FANCI: variants seen among roughly 807,000 people sequenced by gnomAD.
FANCI encodes the protein FA complementation group I.
In FANCI, 156 loss-of-function variants were observed where a neutral mutation model predicts 176.1. That is an observed-to-expected ratio of 0.89 (90% CI 0.78 to 1.01). The LOEUF is 1.01. Among genes scored for constraint, FANCI ranks in the 50% least tolerant of loss-of-function variants. The pLI is 0.00. For synonymous variants in FANCI, 613 were observed against 541.7 expected (o/e 1.13, Z -1.83); for missense variants, 1,678 against 1,534.1 (o/e 1.09, Z -1.57).
chr15:89,262,995 A>G (rs1409835388), intron 6 of FANCI, among the ~76,000 whole-genome samples: 1 of 152,198 alleles, frequency 6.6e-6, no homozygotes, highest in African/African-American at 2.4e-5. Context: ...TGGCCTCCCA[A>G]AGTGTTGGGA....
chr15:89,277,333 T>G (rs972408050), intron 13 of FANCI, among the ~76,000 whole-genome samples: 1 of 152,068 alleles, frequency 6.6e-6, no homozygotes, highest in Non-Finnish European at 1.5e-5. Context: ...GAATCATGCT[T>G]GGTCGGGCAT....
At chr15:89,295,503 T>C (rs2054224180) in intron 24 of FANCI, among the ~76,000 whole-genome samples, 1 of 151,910 alleles carries the variant, frequency 6.6e-6, no homozygotes, top group South Asian at 2.1e-4. Context: ...CTATCTCTAC[T>C]AAAAATACAA....
chr15:89,300,450 G>A (rs939973411), intron 26 of FANCI, 65 bp downstream of exon 26: 2 of 1,447,114 alleles, frequency 1.4e-6, no homozygotes, highest in African/African-American at 2.8e-5. Context: ...GTTAGCAGGG[G>A]CAGCTGGTAA....
rs182603170 is a variant in FANCI at position 89,261,598 on chromosome 15, C to A, written c.302C>A (p.Pro101Gln). 6.2e-7 allele frequency: 1 copy of A among 1,614,118 alleles called. No homozygotes were observed. Among genetic ancestry groups the A allele is most frequent in the African/African-American group, 1.3e-5 (1 of 75,026 alleles). The part of the protein sequence containing the change: ...GLLMLEAHHF[P>Q]GPLLVELANE... The stretch of plus-strand genomic sequence containing the variant: ...GTGAACTTTTAGGCTCACCATTTTC[C>A]AGGACCATTATTGGTTGAATTAGCC... Residue 101 changes from proline to glutamine, a missense_variant, in exon 5 of 38, where the codon CCA becomes CAA. Physicochemically the swap from Pro to Gln is moderately conservative, Grantham distance 76. Coordinates refer to ENST00000310775, the MANE Select transcript of FANCI (RefSeq NM_001113378.2).
intron 1 of FANCI, among the ~76,000 whole-genome samples, chr15:89,245,601 T>C (rs1283659313): frequency 2.0e-5 from 3 of 152,022 alleles, no homozygotes; most frequent in African/African-American, 7.2e-5. Flanking sequence ...GGAATATTTA[T>C]TTAAGTTCCA....
At position 89,315,240 on chromosome 15, in the gene FANCI, CTA is replaced by C. The variant is rs781234694; in HGVS notation, c.3817-40_3817-39del. The stretch of plus-strand genomic sequence containing the variant: ...ATGGCTTAAGCTGTTCTGGCAGGAC[CTA>C]TGAGTAGGGAGATGTCCCATGCTTA... On this transcript the variant is annotated intron_variant, in intron 36 of 37. Transcript: ENST00000310775. 3.5e-6 allele frequency: 5 copies of C among 1,447,412 alleles called. No homozygotes were observed. The East Asian group carries it at 6.8e-5, about 20-fold the overall frequency. 89.7% of individuals were successfully genotyped at this position (1,447,412 alleles called of 1,614,324 possible). A position where few individuals can be genotyped will look rare whatever the true frequency, so the allele number is the denominator to read the frequency against.
At chr15:89,286,909 T>G (rs1347601849) in intron 18 of FANCI, among the ~76,000 whole-genome samples, 3 of 151,962 alleles carry the variant, frequency 2.0e-5, no homozygotes, top group African/African-American at 7.2e-5. Context: ...CTCGATCAAT[T>G]ATGTTAGCTA....
chr15:89,283,946 T>C (rs1021596424), intron 17 of FANCI, among the ~76,000 whole-genome samples: 1 of 151,942 alleles, frequency 6.6e-6, no homozygotes, highest in Non-Finnish European at 1.5e-5. Flanking sequence ...GTATTTTTAG[T>C]AGAGATGGGG....
At chr15:89,286,288 T>C (rs572726510) in intron 18 of FANCI, among the ~76,000 whole-genome samples, 2 of 152,212 alleles carry the variant, frequency 1.3e-5, no homozygotes, top group African/African-American at 2.4e-5. Context: ...CCACCATGCC[T>C]GGCCTAACTT....
intron 22 of FANCI, among the ~76,000 whole-genome samples, chr15:89,293,606 T>G (rs1309557249): frequency 1.3e-5 from 2 of 152,160 alleles, no homozygotes. Flanking sequence ...GGGAATCACT[T>G]GAGCCTGGGA....
intron 7 of FANCI, 23 bp from the exon 8 acceptor site, chr15:89,263,880 C>A (rs761894722): frequency 6.2e-7 from 1 of 1,613,922 alleles, no homozygotes; most frequent in Non-Finnish European, 8.5e-7. Context: ...CTGTCTATAG[C>A]CTTTAGAATC....
intron 18 of FANCI, among the ~76,000 whole-genome samples, chr15:89,290,008 C>T (rs187053118): frequency 6.6e-6 from 1 of 152,250 alleles, no homozygotes; most frequent in East Asian, 1.9e-4. Flanking sequence ...GGATTTTACT[C>T]TGAGCAGTTC....
At chr15:89,253,406 T>C (rs1262241041) in intron 2 of FANCI, among the ~76,000 whole-genome samples, 1 of 152,136 alleles carries the variant, frequency 6.6e-6, no homozygotes, top group African/African-American at 2.4e-5. Flanking sequence ...CCCAGCACTT[T>C]GGGAGGCTGA....
chr15:89,293,009 T>G lies in FANCI; in HGVS notation c.2237T>G (p.Val746Gly), dbSNP rs762432513. The G allele has an allele frequency of 1.9e-6, 3 of 1,614,072 alleles. No individual in the cohort carries two copies. In the East Asian group the frequency reaches 6.7e-5, roughly 36 times the overall value. Residue 746 changes from valine to glycine, a missense_variant, in exon 22 of 38, where the codon GTG becomes GGG. Transcript: ENST00000310775. ...AAAAATAATATCTGTGCTTTTCTTG[T>G]GATGGGAGTTTGTGAGGTTTTAATA... ...GIKNNICAFL[V>G]MGVCEVLIEY...
In FANCI at chr15:89,278,786, T is replaced by C. The variant is rs1430415834; in HGVS notation, c.1381+12T>C. ...CAGTCATTTCTTAGGTATTCAACTT[T>C]GAAAGAATGAATAAAGTTTTTAGAA... On this transcript the variant is annotated intron_variant, in intron 14 of 37. Coordinates refer to ENST00000310775, the MANE Select transcript of FANCI (RefSeq NM_001113378.2). 4 of 1,594,754 alleles carry C rather than the reference T, an allele frequency of 2.5e-6. No homozygotes were observed. Among genetic ancestry groups the C allele is most frequent in the Non-Finnish European group, 3.4e-6 (4 of 1,162,754 alleles).
At chr15:89,257,068 G>A (rs1233143936) in intron 2 of FANCI, among the ~76,000 whole-genome samples, 2 of 151,952 alleles carry the variant, frequency 1.3e-5, no homozygotes, top group Admixed American at 6.6e-5. Flanking sequence ...CACCACGCCC[G>A]GCTAATTTTT....
rs749872993 is a variant in FANCI at position 89,293,815 on chromosome 15, C to CT, written c.2292-12dup. 8 of 1,612,554 alleles carry CT rather than the reference C, an allele frequency of 5.0e-6. No homozygotes were observed. The highest frequency in any genetic ancestry group is 3.3e-5 in the Admixed American group (2 of 59,984). Reference sequence around the variant, plus strand: ...TTCTGATGTTTGTCCTTAGCGGTCTCTTTTTTGTTTTTTACAGTAAGAATA... The same window carrying CT: ...TTCTGATGTTTGTCCTTAGCGGTCTCTTTTTTTGTTTTTTACAGTAAGAATA... On this transcript the variant is annotated splice_polypyrimidine_tract_variant and intron_variant, in intron 22 of 37. Transcript: ENST00000310775.
chr15:89,276,807 T>C lies in FANCI; in HGVS notation c.1209T>C (p.Thr403=). 1 of 1,614,190 alleles carries C rather than the reference T, an allele frequency of 6.2e-7. No homozygotes were observed. Among genetic ancestry groups the C allele is most frequent in the South Asian group, 1.1e-5 (1 of 91,086 alleles). The stretch of plus-strand genomic sequence containing the variant: ...CAAAGAAGGTTCTTGATGGAAAAAC[T>C]ATTGAAACCAGCCCAAGTCTTTCTA... ...YGPKKVLDGK[T]IETSPSLSRM... is the part of the protein sequence containing the mutation. The change falls in exon 13 of 38, where the codon ACT becomes ACC. Residue 403 remains threonine (T), a synonymous_variant. Coordinates refer to ENST00000310775, the MANE Select transcript of FANCI (RefSeq NM_001113378.2).
At chr15:89,290,520 T>G (rs1166056097) in intron 19 of FANCI, 1 of 507,394 alleles carries the variant, frequency 2.0e-6, no homozygotes, top group East Asian at 3.4e-5. Context: ...GTATCCTAAG[T>G]CAGAAGGACA....
Sources: allele counts gnomAD v4.1 joint callset (sites outside exome capture counted in the v4.1 genomes callset), GRCh38; gene constraint gnomAD v4.1.1; transcripts MANE v1.5; gene names NCBI Gene and HGNC (gene_info 2026-07-23, HGNC 2026-07-21).